The following ANKRD55 variants were observed in gnomAD, a reference collection of about 807,000 sequenced individuals.
ANKRD55 encodes ankyrin repeat domain 55, also known as ankyrin repeat domain-containing protein 55.
A neutral mutation model predicts 60.6 loss-of-function variants in ANKRD55; 41 were observed. The observed-to-expected ratio is 0.68, with a 90% CI of 0.53 to 0.88. The LOEUF (loss-of-function observed/expected upper bound fraction) is 0.88. ANKRD55 is among the 40% of genes least tolerant of loss of function. ANKRD55 has a pLI of 0.00. For synonymous variants in ANKRD55, 264 were observed against 290.3 expected, an observed-to-expected ratio of 0.91 and a Z score of 0.92; for missense variants, 732 against 767.6, an observed-to-expected ratio of 0.95 and a Z score of 0.55.
At chr5:56,190,115 A>T (rs982196902) in intron 2 of ANKRD55, among the ~76,000 whole-genome samples, 1 of 152,206 alleles carries the variant, frequency 6.6e-6, no homozygotes, top group African/African-American at 2.4e-5. Flanking sequence ...CTTATTGGCT[A>T]TAGGCATATC....
At chr5:56,206,191 G>C (rs2408413) in intron 2 of ANKRD55, among the ~76,000 whole-genome samples, 11,872 of 151,770 alleles carry the variant, frequency 0.078, 726 homozygotes, top group African/African-American at 0.17. Flanking sequence ...TGGCCAGGCT[G>C]GTCTCAAACT....
Position 56,217,555 on chromosome 5 carries a change from T to TAA in ANKRD55, c.58+15299_58+15300dup, listed in dbSNP as rs142188447. ...CTCTATTAGTTTCTGCCAGAGAAAA[T>TAA]AAAAAAAAATAAGAAAAACTCTGGA... On this transcript the variant is annotated intron_variant, in intron 2 of 11. Transcript: ENST00000341048. 6.9e-3 allele frequency among the ~76,000 whole-genome samples: 1,037 copies of TAA among 150,550 alleles called. 6 individuals are homozygous for TAA. Among genetic ancestry groups the TAA allele is most frequent in the African/African-American group, 0.025 (1,011 of 41,064 alleles).
At chr5:56,150,937 T>G (rs1418451156) in intron 6 of ANKRD55, among the ~76,000 whole-genome samples, 1 of 152,246 alleles carries the variant, frequency 6.6e-6, no homozygotes, top group Non-Finnish European at 1.5e-5. Context: ...GATAGCTGTA[T>G]TTTAATATTT....
chr5:56,183,459 C>G (rs944149509), intron 3 of ANKRD55, 53 bp downstream of exon 3: 1 of 1,604,256 alleles, frequency 6.2e-7, no homozygotes, highest in Non-Finnish European at 8.5e-7. Context: ...TGAAGGCCAT[C>G]TCTAAAAAAA....
chr5:56,170,810 T>C lies in ANKRD55; in HGVS notation c.313-7A>G. The C allele has an allele frequency of 1.9e-6, 3 of 1,613,062 alleles. No homozygotes were observed. Among genetic ancestry groups the C allele is most frequent in the Non-Finnish European group, 2.5e-6 (3 of 1,179,058 alleles). On this transcript the variant is annotated splice_region_variant and splice_polypyrimidine_tract_variant and intron_variant, in intron 4 of 11. Transcript: ENST00000341048. ...CACAGCCTTCAAGCCAGCCCTGAAATACAAGAGCAACCACATCATTATATA... is the reference window on the plus strand; with the variant it reads ...CACAGCCTTCAAGCCAGCCCTGAAACACAAGAGCAACCACATCATTATATA...
chr5:56,140,968 C>A (rs997867079), intron 7 of ANKRD55, among the ~76,000 whole-genome samples: 1 of 151,928 alleles, frequency 6.6e-6, no homozygotes, highest in African/African-American at 2.4e-5. Context: ...GAGCCTGAGG[C>A]AGGAGAATTG....
intron 7 of ANKRD55, among the ~76,000 whole-genome samples, chr5:56,138,933 T>C (rs1253192873): frequency 6.6e-6 from 1 of 152,166 alleles, no homozygotes; most frequent in Non-Finnish European, 1.5e-5. Flanking sequence ...TTTGTCCAAT[T>C]CCACAGAATG....
At chr5:56,220,477 G>A (rs1759931641) in intron 2 of ANKRD55, among the ~76,000 whole-genome samples, 2 of 152,010 alleles carry the variant, frequency 1.3e-5, no homozygotes, top group African/African-American at 4.8e-5. Context: ...AGAGAAAGGT[G>A]GGGGTCAAAC....
intron 10 of ANKRD55, among the ~76,000 whole-genome samples, chr5:56,109,528 C>T (rs1201145876): frequency 8.6e-5 from 13 of 151,500 alleles, no homozygotes; most frequent in Admixed American, 8.5e-4. Context: ...AAAGAATCAC[C>T]TGTGGATCTT....
chr5:56,145,131 C>T (rs1017871926), intron 6 of ANKRD55, among the ~76,000 whole-genome samples: 1 of 152,154 alleles, frequency 6.6e-6, no homozygotes, highest in African/African-American at 2.4e-5. Flanking sequence ...ATCTAGAGAC[C>T]TTTATGAGTT....
In ANKRD55 at chr5:56,111,557, A is replaced by C; in HGVS notation, c.1191T>G (p.Pro397=). 1 of 1,612,878 alleles carries C rather than the reference A, an allele frequency of 6.2e-7. No individual in the cohort carries two copies. Among genetic ancestry groups the C allele is most frequent in the Non-Finnish European group, 8.5e-7 (1 of 1,179,602 alleles). ...SIVGTNCQEQ[P]GDQVAMVEFK... ...ATTCAACCATAGCCACCTGATCACCAGGCTGTTCTTGGCAGTTGGTACCCA... is the reference window on the plus strand; with the variant it reads ...ATTCAACCATAGCCACCTGATCACCCGGCTGTTCTTGGCAGTTGGTACCCA... Residue 397 remains proline, a synonymous_variant, in exon 10 of 12, where the codon CCT becomes CCG. Coordinates refer to ENST00000341048, the MANE Select transcript of ANKRD55 (RefSeq NM_024669.3).
intron 7 of ANKRD55, among the ~76,000 whole-genome samples, chr5:56,138,133 T>TC (rs1262524770): frequency 2.7e-5 from 4 of 149,474 alleles, no homozygotes; most frequent in African/African-American, 7.4e-5. Flanking sequence ...TTTTCTTTTT[T>TC]TTTTTTTTTT....
chr5:56,225,432 G>T (rs1430131465), intron 2 of ANKRD55, among the ~76,000 whole-genome samples: 1 of 152,290 alleles, frequency 6.6e-6, no homozygotes. Context: ...ACAAGACAGG[G>T]ATGCCCTCTC....
intron 7 of ANKRD55, among the ~76,000 whole-genome samples, chr5:56,139,803 T>C (rs1341546005): frequency 6.6e-6 from 1 of 152,190 alleles, no homozygotes; most frequent in Non-Finnish European, 1.5e-5. Flanking sequence ...CCAAGTGTGG[T>C]GGCTCATGCC....
In ANKRD55 at chr5:56,106,464, C is replaced by T. The variant is rs529965970; in HGVS notation, c.1631-3878G>A. On this transcript the variant is annotated intron_variant, in intron 10 of 11. Coordinates refer to ENST00000341048, the MANE Select transcript of ANKRD55 (RefSeq NM_024669.3). ...TTTTTGAGACATAGTCTTGCTCTGT[C>T]GCCCAGGCTGGAGTGCAGGTGCGAT... Among the ~76,000 whole-genome samples the T allele has an allele frequency of 3.1e-3, 357 of 116,202 alleles. 1 individual carries two copies. The highest frequency in any genetic ancestry group is 0.014 in the African/African-American group (309 of 22,258). 76.2% of individuals were successfully genotyped at this position (116,202 alleles called of 152,430 possible). A position where few individuals can be genotyped will look rare whatever the true frequency, so the allele number is the denominator to read the frequency against.
intron 4 of ANKRD55, 43 bp downstream of exon 4, chr5:56,176,109 C>T: frequency 6.2e-7 from 1 of 1,611,712 alleles, no homozygotes; most frequent in Non-Finnish European, 8.5e-7. Context: ...ACACCCTTCG[C>T]CTACCCTGCT....
chr5:56,151,916 CATATATGT>C (rs983574144), intron 6 of ANKRD55, among the ~76,000 whole-genome samples: 43 of 137,794 alleles, frequency 3.1e-4, no homozygotes, highest in Admixed American at 3.7e-4. Flanking sequence ...TGTATATACA[CATATATGT>C]ATATATGTAT....
chr5:56,125,977 T>A (rs190702495), intron 8 of ANKRD55, among the ~76,000 whole-genome samples: 1 of 151,764 alleles, frequency 6.6e-6, no homozygotes, highest in Non-Finnish European at 1.5e-5. Flanking sequence ...CTAATAAAAA[T>A]ACAAAAGTAA....
chr5:56,176,885 C>T (rs1054396786), intron 3 of ANKRD55, among the ~76,000 whole-genome samples: 2 of 152,114 alleles, frequency 1.3e-5, no homozygotes, highest in Non-Finnish European at 2.9e-5. Context: ...TGGAACAAGC[C>T]AGCCTCATGA....
Sources: gnomAD v4.1 joint callset for allele counts (sites outside exome capture counted in the v4.1 genomes callset) on GRCh38, gnomAD v4.1.1 for gene constraint, MANE v1.5 for transcripts, NCBI Gene and HGNC (gene_info 2026-07-23, HGNC 2026-07-21) for gene names.